CEP131: variants seen among roughly 807,000 people sequenced by gnomAD.
CEP131 encodes the protein centrosomal protein of 131 kDa.
CEP131 carries 99 observed loss-of-function variants against 136.8 expected under a neutral mutation model. The observed-to-expected ratio is 0.72, with a 90% CI of 0.62 to 0.86. The LOEUF (loss-of-function observed/expected upper bound fraction) is 0.86. Among genes scored for constraint, CEP131 ranks in the 40% least tolerant of loss-of-function variants. The pLI, the probability that CEP131 is intolerant of heterozygous loss-of-function variation, is 0.00. For synonymous variants in CEP131, 646 were observed against 612.7 expected (o/e 1.05, Z -0.80); for missense variants, 1,459 against 1,463.0 (o/e 1.00, Z 0.04).
At chr17:81,213,360 G>C (rs969311225) in intron 2 of CEP131, among the ~76,000 whole-genome samples, 7 of 152,180 alleles carry the variant, frequency 4.6e-5, no homozygotes, top group African/African-American at 1.4e-4. Context: ...AGGAGTTCGA[G>C]ACCAGCCTGG....
At chr17:81,193,258 G>A (rs573258886) in intron 18 of CEP131, among the ~76,000 whole-genome samples, 88 of 152,252 alleles carry the variant, frequency 5.8e-4, no homozygotes, top group African/African-American at 1.9e-3. Context: ...GCCTGGCTCC[G>A]TGACCTGAGC....
intron 18 of CEP131, 72 bp downstream of exon 18, chr17:81,193,854 A>T: frequency 6.8e-7 from 1 of 1,476,622 alleles, no homozygotes; most frequent in South Asian, 1.2e-5. Context: ...TGGGAACTCC[A>T]CTCCAGCCTT....
In CEP131 at chr17:81,194,078, C is replaced by T. The variant is rs2061702715; in HGVS notation, c.2169G>A (p.Val723=). ...QKLIARHKQE[V]RRLKSLHEAE... ...CCTCGTGCAGGCTCTTGAGCCTCCGCACTTCCTGCTTGTGCCTTGCAATCA... is the reference window on the plus strand; with the variant it reads ...CCTCGTGCAGGCTCTTGAGCCTCCGTACTTCCTGCTTGTGCCTTGCAATCA... Residue 723 remains valine, a synonymous_variant, in exon 18 of 26, where the codon GTG becomes GTA. Transcript: ENST00000450824. 1.9e-6 allele frequency: 3 copies of T among 1,580,162 alleles called. No homozygotes were observed. Among genetic ancestry groups the T allele is most frequent in the Non-Finnish European group, 2.6e-6 (3 of 1,163,962 alleles).
chr17:81,192,275 G>C, intron 21 of CEP131, 43 bp downstream of exon 21: 1 of 1,538,324 alleles, frequency 6.5e-7, no homozygotes, highest in Non-Finnish European at 8.8e-7. Flanking sequence ...GCCCACGCAG[G>C]GCAGCCCCCA....
At chr17:81,202,143 T>A in intron 7 of CEP131, 97 bp downstream of exon 7, 1 of 594,188 alleles carries the variant, frequency 1.7e-6, no homozygotes, top group Non-Finnish European at 2.4e-6. Context: ...TAAATGGAAA[T>A]TTCTATCCTC....
At chr17:81,207,031 A>C (rs1342305434) in intron 4 of CEP131, 94 bp downstream of exon 4, 1 of 1,524,470 alleles carries the variant, frequency 6.6e-7, no homozygotes, top group Non-Finnish European at 8.9e-7. Context: ...CCCTCCCTGC[A>C]GTGCCCTTTT....
At position 81,199,314 on chromosome 17, in the gene CEP131, A is replaced by G. The variant is rs79585269; in HGVS notation, c.1192+67T>C. ...ACAGGAGGCCGAGAGGAGGTCCACA[A>G]GGGCTGCACTTCCTTCCTGGCTGCA... On this transcript the variant is annotated intron_variant, in intron 10 of 25. Coordinates refer to ENST00000450824, the MANE Select transcript of CEP131 (RefSeq NM_014984.4). 4.6e-3 allele frequency: 6,786 copies of G among 1,475,642 alleles called. 179 individuals carry two copies. The African/African-American group carries it at 0.058, about 13-fold the overall frequency. The allele number at this position is 1,475,642 out of a possible 1,614,324, so 91.4% of individuals were successfully genotyped here.
In CEP131 at chr17:81,215,858, C is replaced by T. The variant is rs537070277; in HGVS notation, c.177+4022G>A. Reference sequence around the variant, plus strand: ...TCTTGGTACTATGATAAGGAAAATCCAGAGGAGCACTGGGTGAAGTTCTGG... The same window carrying T: ...TCTTGGTACTATGATAAGGAAAATCTAGAGGAGCACTGGGTGAAGTTCTGG... On this transcript the variant is annotated intron_variant, in intron 2 of 25. Coordinates refer to ENST00000450824, the MANE Select transcript of CEP131 (RefSeq NM_014984.4). The surrounding 1 kb of genome is among the most constrained non-coding windows in gnomAD (Gnocchi z 4.1). Among the ~76,000 whole-genome samples, 1 of 152,294 alleles carries T rather than the reference C, an allele frequency of 6.6e-6. No individual in the cohort carries two copies. The highest frequency in any genetic ancestry group is 1.9e-4 in the East Asian group (1 of 5,190).
At chr17:81,222,139 G>A (rs142621271) in intron 1 of CEP131, among the ~76,000 whole-genome samples, 41 of 152,332 alleles carry the variant, frequency 2.7e-4, no homozygotes, top group Non-Finnish European at 4.7e-4. Flanking sequence ...ACTTGCAAGC[G>A]GCTCTGGGAT....
intron 1 of CEP131, among the ~76,000 whole-genome samples, chr17:81,221,135 A>AC (rs1248698962): frequency 2.0e-5 from 3 of 151,112 alleles, no homozygotes; most frequent in South Asian, 2.1e-4. Flanking sequence ...AAAAAAAAAA[A>AC]AAAAAAAAAA....
intron 10 of CEP131, 58 bp downstream of exon 10, chr17:81,199,323 C>T: frequency 6.6e-7 from 1 of 1,509,770 alleles, no homozygotes; most frequent in Non-Finnish European, 8.9e-7. Flanking sequence ...AAGGGCTGCA[C>T]TTCCTTCCTG....
chr17:81,192,736 C>G lies in CEP131; in HGVS notation c.2429G>C (p.Arg810Thr), dbSNP rs1312994942. 2.5e-6 allele frequency: 4 copies of G among 1,572,774 alleles called. No homozygotes were observed. Among genetic ancestry groups the G allele is most frequent in the Admixed American group, 1.7e-5 (1 of 59,842 alleles). Residue 810 changes from arginine to threonine, a missense_variant and splice_region_variant, in exon 19 of 26, where the codon AGG (arginine) becomes ACG (threonine). Arg to Thr is a moderately conservative substitution (Grantham distance 71). Coordinates refer to ENST00000450824, the MANE Select transcript of CEP131 (RefSeq NM_014984.4). The stretch of plus-strand genomic sequence containing the variant: ...AGGGCGTGGTGCCCCCGGGCGGCAC[C>G]TGGCTGCCTGCTGGCCCAGCCGCTC... ...ERERLGQQAA[R>T]QRAELEELRQ...
rs769852204 is a variant in CEP131 at position 81,192,556 on chromosome 17, C to T, written c.2467G>A (p.Glu823Lys). 2 of 1,609,646 alleles carry T rather than the reference C, an allele frequency of 1.2e-6. No individual in the cohort carries two copies. The highest frequency in any genetic ancestry group is 1.1e-5 in the South Asian group (1 of 90,592). The change falls in exon 20 of 26, where the codon GAG (glutamate) becomes AAG (lysine). Residue 823 changes from glutamate (E) to lysine (K), a missense_variant. Transcript: ENST00000450824. ...CGGGTCAGTGCAGAGCTGCTCTCCT[C>T]CAGCTGCTGCCTCAGCTCTTCCAGC... ...AELEELRQQLEESSSALTRAL... is the reference protein window; with the variant it reads ...AELEELRQQLKESSSALTRAL...
intron 1 of CEP131, among the ~76,000 whole-genome samples, chr17:81,220,694 T>C (rs2062367927): frequency 6.6e-6 from 1 of 151,786 alleles, no homozygotes; most frequent in African/African-American, 2.4e-5. Context: ...AGAAACGGGG[T>C]TTTGCCATGT....
In CEP131 at chr17:81,189,959, C is replaced by A. The variant is rs112536217; in HGVS notation, c.3124G>T (p.Ala1042Ser). Residue 1042 changes from alanine to serine, a missense_variant, in exon 25 of 26, where the codon GCG becomes TCG. This residue lies in a region of CEP131 where 1,026 missense variants were observed against 964.2 expected (regional missense o/e 1.06). Transcript: ENST00000450824. ...CTGCTCACGGCCTCCTCCTTCCTCG[C>A]GAGGGCTGTCTTCACCCTGTGGGTA... ...EVHRRVKTALARKEEAVSSLR... is the reference protein window; with the variant it reads ...EVHRRVKTALSRKEEAVSSLR... The A allele has an allele frequency of 2.0e-5, 32 of 1,610,388 alleles. No individual in the cohort carries two copies. Among genetic ancestry groups the A allele is most frequent in the African/African-American group, 4.0e-5 (3 of 74,888 alleles).
chr17:81,221,769 G>A (rs1200771736), intron 1 of CEP131, among the ~76,000 whole-genome samples: 1 of 152,198 alleles, frequency 6.6e-6, no homozygotes, highest in Non-Finnish European at 1.5e-5. Flanking sequence ...TGCAGGGAAA[G>A]GCACTCAGCT....
rs768870929 is a variant in CEP131 at position 81,193,171 on chromosome 17, C to T, written c.2322-328G>A. Reference sequence around the variant, plus strand: ...CCTCACCCTGTTCAGCATTGCCCCACGGGCATGGAGGGCGGGAGGCAGGTG... The same window carrying T: ...CCTCACCCTGTTCAGCATTGCCCCATGGGCATGGAGGGCGGGAGGCAGGTG... On this transcript the variant is annotated intron_variant, in intron 18 of 25. Transcript: ENST00000450824. 2.6e-5 allele frequency among the ~76,000 whole-genome samples: 4 copies of T among 152,354 alleles called. No homozygotes were observed. The East Asian group carries it at 7.7e-4, about 29-fold the overall frequency.
intron 9 of CEP131, 83 bp downstream of exon 9, chr17:81,199,636 G>C: frequency 6.3e-7 from 1 of 1,594,850 alleles, no homozygotes; most frequent in Non-Finnish European, 8.5e-7. Flanking sequence ...TAAGTGTCCC[G>C]GGGCCCAGGG....
At position 81,215,486 on chromosome 17, in the gene CEP131, A is replaced by T. The variant is rs1011503655; in HGVS notation, c.177+4394T>A. 6.6e-6 allele frequency among the ~76,000 whole-genome samples: 1 copy of T among 152,004 alleles called. No homozygotes were observed. Among genetic ancestry groups the T allele is most frequent in the Non-Finnish European group, 1.5e-5 (1 of 68,010 alleles). ...GAGTGTGGTGGTGCGATCTTGGCTCACTGCAACCTCCAGCTTCCGGGTTAA... is the reference window on the plus strand; with the variant it reads ...GAGTGTGGTGGTGCGATCTTGGCTCTCTGCAACCTCCAGCTTCCGGGTTAA... On this transcript the variant is annotated intron_variant, in intron 2 of 25. Coordinates refer to ENST00000450824, the MANE Select transcript of CEP131 (RefSeq NM_014984.4). This position sits in a 1 kb window ranked among gnomAD's most constrained non-coding sequence, Gnocchi z 4.1.
Sources: gnomAD v4.1 joint callset for allele counts (sites outside exome capture counted in the v4.1 genomes callset) on GRCh38, gnomAD v4.1.1 for gene constraint, gnomAD v4.1.1 regional missense constraint, Gnocchi (gnomAD v3.1) non-coding constraint, MANE v1.5 for transcripts, NCBI Gene and HGNC (gene_info 2026-07-23, HGNC 2026-07-21) for gene names.